NT5C1B: variants seen among roughly 807,000 people sequenced by gnomAD.
NT5C1B encodes cytosolic 5'-nucleotidase 1B.
A neutral mutation model predicts 57.8 loss-of-function variants in NT5C1B; 44 were observed. That is an observed-to-expected ratio of 0.76 (90% CI 0.60 to 0.98). The LOEUF (loss-of-function observed/expected upper bound fraction) is 0.98. Ranked by LOEUF, NT5C1B falls within the 50% of genes least tolerant of loss-of-function variation. The probability of loss-of-function intolerance (pLI) is 0.00; values close to 1 mark genes in which losing one functional copy is unlikely to be tolerated. For missense variants in NT5C1B, 742 were observed against 719.5 expected (o/e 1.03, Z -0.36); for synonymous variants, 284 against 282.6 (o/e 1.00, Z -0.05).
chr2:18,568,458 G>A (rs974022546), intron 8 of NT5C1B, among the ~76,000 whole-genome samples: 11 of 151,620 alleles, frequency 7.3e-5, no homozygotes, highest in Non-Finnish European at 1.6e-4. Flanking sequence ...AAGATCTCCT[G>A]GCAGAAGGAA....
In NT5C1B at chr2:18,587,547, T is replaced by A; in HGVS notation, c.76A>T (p.Lys26Ter). ...CCTGTTTTGTCAGATTCCTTTCTTT[T>A]TTCTGCTTCTAGACTCTCTTTTGAG... is the stretch of plus-strand genomic sequence containing the variant. The change falls in exon 2 of 9, where the codon AAA (lysine) becomes TAA (stop). Residue 26 changes from lysine (K) to a stop codon, truncating the protein, a stop_gained. Transcript: ENST00000304081. LOFTEE classifies it high-confidence loss of function. 1.2e-6 allele frequency: 2 copies of A among 1,614,012 alleles called. No homozygotes were observed. The highest frequency in any genetic ancestry group is 1.7e-6 in the Non-Finnish European group (2 of 1,180,042).
At chr2:18,571,885 T>G (rs865856699) in intron 8 of NT5C1B, among the ~76,000 whole-genome samples, 6 of 150,186 alleles carry the variant, frequency 4.0e-5, no homozygotes, top group African/African-American at 1.2e-4. Context: ...GTCAGGAGTT[T>G]GAGACCAGCC....
At chr2:18,563,107 G>C (rs577798176) in exon 9 of NT5C1B, 1 of 150,350 alleles carries the variant, frequency 6.7e-6, no homozygotes, top group Non-Finnish European at 1.5e-5. Context: ...GTGCCAGCCT[G>C]CCAGGCCCAA....
chr2:18,577,974 T>A (rs910676125), intron 6 of NT5C1B, among the ~76,000 whole-genome samples: 4 of 151,968 alleles, frequency 2.6e-5, no homozygotes, highest in Admixed American at 2.6e-4. Flanking sequence ...CAAAAACCCC[T>A]CAGAGATTGT....
chr2:18,572,734 G>C (rs574953020), intron 8 of NT5C1B, among the ~76,000 whole-genome samples: 1 of 152,218 alleles, frequency 6.6e-6, no homozygotes, highest in African/African-American at 2.4e-5. Flanking sequence ...AAACTACAAT[G>C]AGATAATTTT....
intron 8 of NT5C1B, among the ~76,000 whole-genome samples, chr2:18,572,742 T>G (rs185670199): frequency 2.0e-5 from 3 of 152,260 alleles, no homozygotes; most frequent in Admixed American, 2.0e-4. Flanking sequence ...ATGAGATAAT[T>G]TTTTTATCAA....
In NT5C1B at chr2:18,586,205, C is replaced by T. The variant is rs764368164; in HGVS notation, c.258+49G>A. 3.1e-6 allele frequency: 5 copies of T among 1,594,824 alleles called. No individual in the cohort carries two copies. The Admixed American group carries it at 6.8e-5, about 22-fold the overall frequency. On this transcript the variant is annotated intron_variant, in intron 3 of 8. Coordinates refer to ENST00000304081, the Ensembl canonical transcript of NT5C1B. ...GTAGAAAGCATCAATAAATGTTAAC[C>T]ATTGTTATTATTCTATCATCTACTA...
At chr2:18,585,284 G>T in intron 3 of NT5C1B, 1 of 636,620 alleles carries the variant, frequency 1.6e-6, no homozygotes, top group Admixed American at 1.9e-5. Flanking sequence ...CTGACACATG[G>T]TTTGCAAAGT....
chr2:18,583,067 A>G (rs1666322772), intron 5 of NT5C1B, 70 bp from the exon 6 acceptor site: 2 of 1,556,322 alleles, frequency 1.3e-6, no homozygotes, highest in African/African-American at 1.4e-5. Flanking sequence ...CCGGAGAGGA[A>G]GCATCTCATC....
Position 18,587,602 on chromosome 2 carries a change from G to A in NT5C1B, c.31-10C>T. The stretch of plus-strand genomic sequence containing the variant: ...TCATTCCAGGCTCATTCTTGACAAG[G>A]AAACAAAGAATGTTTATTAATTTTT... On this transcript the variant is annotated splice_polypyrimidine_tract_variant and intron_variant, in intron 1 of 8. Transcript: ENST00000304081. The A allele has an allele frequency of 6.2e-7, 1 of 1,606,016 alleles. No homozygotes were observed. Among genetic ancestry groups the A allele is most frequent in the East Asian group, 2.2e-5 (1 of 44,836 alleles).
chr2:18,585,612 G>A (rs1163310657), intron 3 of NT5C1B, among the ~76,000 whole-genome samples: 1 of 152,060 alleles, frequency 6.6e-6, no homozygotes, highest in Non-Finnish European at 1.5e-5. Context: ...AATAGGGAAG[G>A]GCCATTCTAG....
chr2:18,563,696 G>A, exon 9 of NT5C1B: 1 of 1,296,612 alleles, frequency 7.7e-7, no homozygotes, highest in Non-Finnish European at 1.0e-6. Context: ...AAAGTTTTAA[G>A]GTCCAATTTT....
At chr2:18,586,962 C>G in intron 2 of NT5C1B, 2 of 1,613,930 alleles carry the variant, frequency 1.2e-6, no homozygotes, top group Non-Finnish European at 1.7e-6. Context: ...CTGTGGTTCC[C>G]CTCCAGAATC....
intron 5 of NT5C1B, 193 bp downstream of exon 5, chr2:18,583,895 G>A: frequency 1.1e-6 from 1 of 883,246 alleles, no homozygotes; most frequent in Non-Finnish European, 1.9e-6. Flanking sequence ...AGGGCTGTGG[G>A]CTGGAGTCCC....
intron 6 of NT5C1B, among the ~76,000 whole-genome samples, chr2:18,577,139 A>G (rs1349251404): frequency 2.0e-5 from 3 of 152,182 alleles, no homozygotes; most frequent in African/African-American, 7.2e-5. Flanking sequence ...GTTTATGGGC[A>G]TAGTATATTC....
At chr2:18,576,249 T>C in exon 8 of NT5C1B, 1 of 1,613,782 alleles carries the variant, frequency 6.2e-7, no homozygotes, top group Non-Finnish European at 8.5e-7. Flanking sequence ...CCATGCTCCT[T>C]GGTAAAATGT....
chr2:18,586,514 T>G, intron 2 of NT5C1B, 123 bp from the exon 3 acceptor site: 2 of 1,403,662 alleles, frequency 1.4e-6, no homozygotes, highest in East Asian at 2.4e-5. Context: ...ATCCCTGGCC[T>G]CAATGACTCT....
At chr2:18,566,753 A>G (rs1183785740) in intron 8 of NT5C1B, among the ~76,000 whole-genome samples, 2 of 152,232 alleles carry the variant, frequency 1.3e-5, no homozygotes, top group African/African-American at 4.8e-5. Flanking sequence ...TAACAATACT[A>G]GGGAAGCTTA....
Position 18,584,721 on chromosome 2 carries a change from C to T in NT5C1B, c.516G>A (p.Pro172=), listed in dbSNP as rs200273135. 5 of 1,612,724 alleles carry T rather than the reference C, an allele frequency of 3.1e-6. No individual in the cohort carries two copies. Among genetic ancestry groups the T allele is most frequent in the Admixed American group, 3.3e-5 (2 of 59,914 alleles). The stretch of plus-strand genomic sequence containing the variant: ...TGGGGGACGTGCGCGAATATTCCAG[C>T]GGCTGCGAGTCCCGGGTCTGGCGGA... Residue 172 remains proline (P), a synonymous_variant, in exon 4 of 9, where the codon CCG becomes CCA. Coordinates refer to ENST00000304081, the Ensembl canonical transcript of NT5C1B. This position sits in a 1 kb window ranked among gnomAD's most constrained non-coding sequence, Gnocchi z 5.8.
Sources: gnomAD v4.1 joint callset for allele counts (sites outside exome capture counted in the v4.1 genomes callset) on GRCh38, gnomAD v4.1.1 for gene constraint, Gnocchi (gnomAD v3.1) non-coding constraint, MANE v1.5 for transcripts, NCBI Gene and HGNC (gene_info 2026-07-23, HGNC 2026-07-21) for gene names.